Variants in CDH18 observed in about 807,000 individuals in gnomAD.
CDH18 encodes the protein cadherin 18, also known as cadherin-18.
A neutral mutation model predicts 67.9 loss-of-function variants in CDH18; 31 were observed. That is an observed-to-expected ratio of 0.46 (90% CI 0.34 to 0.62). The LOEUF (loss-of-function observed/expected upper bound fraction) is 0.62, where lower values mean the gene tolerates loss of function less well. Among genes scored for constraint, CDH18 ranks in the 20% least tolerant of loss-of-function variants. The pLI is 0.01. For missense variants in CDH18, 890 were observed against 975.5 expected (o/e 0.91, Z 1.17); for synonymous variants, 362 against 347.2 (o/e 1.04, Z -0.48).
At chr5:20,535,475 C>A (rs964084181) in intron 1 of CDH18, among the ~76,000 whole-genome samples, 1 of 152,104 alleles carries the variant, frequency 6.6e-6, no homozygotes, top group Non-Finnish European at 1.5e-5. Context: ...AATCTTCCAG[C>A]TTTAACATCC....
At chr5:20,406,156 G>C (rs1232955206) in intron 1 of CDH18, among the ~76,000 whole-genome samples, 2 of 152,008 alleles carry the variant, frequency 1.3e-5, no homozygotes, top group Admixed American at 6.6e-5. Flanking sequence ...CAGCACTATT[G>C]ACAATAGCAA....
intron 2 of CDH18, among the ~76,000 whole-genome samples, chr5:19,932,454 C>T (rs1267391532): frequency 1.3e-5 from 2 of 151,528 alleles, no homozygotes; most frequent in East Asian, 3.9e-4. Context: ...TCTTTACTTC[C>T]TCTTCATCAA....
At chr5:19,929,461 C>T (rs759335343) in intron 2 of CDH18, among the ~76,000 whole-genome samples, 2 of 152,018 alleles carry the variant, frequency 1.3e-5, no homozygotes, top group African/African-American at 2.4e-5. Context: ...GGAGGAAATA[C>T]GAAATGTTGA....
At chr5:19,735,331 C>A (rs549476802) in intron 4 of CDH18, among the ~76,000 whole-genome samples, 2 of 151,200 alleles carry the variant, frequency 1.3e-5, no homozygotes. Context: ...TATCTCTTTG[C>A]TGAAAAGACA....
chr5:19,894,935 C>T (rs1407478425), intron 2 of CDH18, among the ~76,000 whole-genome samples: 2 of 152,136 alleles, frequency 1.3e-5, no homozygotes, highest in Non-Finnish European at 2.9e-5. Flanking sequence ...CTGATGTACA[C>T]AGATAATTCT....
chr5:20,517,185 T>C (rs1755430508), intron 1 of CDH18, among the ~76,000 whole-genome samples: 1 of 151,834 alleles, frequency 6.6e-6, no homozygotes, highest in South Asian at 2.1e-4. Flanking sequence ...TGTATATATT[T>C]TATTTACTAA....
chr5:20,163,492 T>G (rs1736053070), intron 2 of CDH18, among the ~76,000 whole-genome samples: 1 of 152,240 alleles, frequency 6.6e-6, no homozygotes, highest in African/African-American at 2.4e-5. Context: ...AAATCTAATA[T>G]TTTTGTCAAT....
intron 2 of CDH18, among the ~76,000 whole-genome samples, chr5:20,171,158 G>A (rs192229934): frequency 6.1e-4 from 93 of 152,006 alleles, no homozygotes; most frequent in Non-Finnish European, 1.1e-3. Flanking sequence ...TTGCTATTGT[G>A]AATAGTGCTG....
intron 1 of CDH18, among the ~76,000 whole-genome samples, chr5:20,558,687 T>A (rs1303589974): frequency 6.6e-6 from 1 of 152,040 alleles, no homozygotes; most frequent in Non-Finnish European, 1.5e-5. Context: ...CAGATGAGAA[T>A]GCTAGCACAT....
intron 1 of CDH18, among the ~76,000 whole-genome samples, chr5:20,407,035 A>G (rs1746330914): frequency 6.6e-6 from 1 of 152,172 alleles, no homozygotes; most frequent in African/African-American, 2.4e-5. Flanking sequence ...GGGGCTATTC[A>G]AGGAATTTGC....
At chr5:19,839,884 C>A (rs921958863) in intron 2 of CDH18, among the ~76,000 whole-genome samples, 9 of 151,716 alleles carry the variant, frequency 5.9e-5, no homozygotes. Flanking sequence ...ATAATTCTAG[C>A]AATTATCTAA....
intron 2 of CDH18, among the ~76,000 whole-genome samples, chr5:20,118,211 T>A (rs1433076072): frequency 2.0e-5 from 3 of 152,154 alleles, no homozygotes; most frequent in Non-Finnish European, 2.9e-5. Flanking sequence ...TAACTTTTTT[T>A]AAAGAAAAAA....
chr5:20,352,624 C>CAAA lies in CDH18; in HGVS notation c.-579-97122_-579-97120dup, dbSNP rs35947411. Among the ~76,000 whole-genome samples, 195 of 89,106 alleles carry CAAA rather than the reference C, an allele frequency of 2.2e-3. 1 individual carries two copies. Among genetic ancestry groups the CAAA allele is most frequent in the South Asian group, 4.4e-3 (10 of 2,280 alleles). The allele number at this position is 89,106 out of a possible 152,430, so 58.5% of individuals were successfully genotyped here. ...TGAAACCCCGTCTCTACTAAAAATA[C>CAAA]AAAAAAAAAAAAAAAAAAAAATTAG... On this transcript the variant is annotated intron_variant, in intron 1 of 14. Transcript: ENST00000507958.
chr5:20,240,351 A>G (rs987878763), intron 2 of CDH18, among the ~76,000 whole-genome samples: 1 of 152,162 alleles, frequency 6.6e-6, no homozygotes, highest in East Asian at 1.9e-4. Context: ...GTAAGTATCA[A>G]TTGAGACAAA....
intron 2 of CDH18, among the ~76,000 whole-genome samples, chr5:19,866,127 G>A (rs773689083): frequency 3.3e-5 from 5 of 152,170 alleles, no homozygotes; most frequent in Non-Finnish European, 5.9e-5. Context: ...TATTGCTTCT[G>A]AAAACAGAAA....
At chr5:20,347,751 C>T (rs1740824472) in intron 1 of CDH18, among the ~76,000 whole-genome samples, 1 of 152,246 alleles carries the variant, frequency 6.6e-6, no homozygotes, top group Non-Finnish European at 1.5e-5. Context: ...TGGGTAATAA[C>T]CAAGAGGGAG....
rs527693757 is a variant in CDH18, at chr5:19,529,739, G to A, written c.1391-8961C>T. ...CATGAATAAACATGAAAACAAATAC[G>A]TGAAATGTTTGTATGCTGAATTCTA... On this transcript the variant is annotated intron_variant, in intron 9 of 12. Transcript: ENST00000382275. Among the ~76,000 whole-genome samples, 9 of 152,094 alleles carry A rather than the reference G, an allele frequency of 5.9e-5. No homozygotes were observed. The South Asian group carries it at 6.2e-4, about 11-fold the overall frequency.
chr5:19,815,777 T>C (rs1335749530), intron 3 of CDH18, among the ~76,000 whole-genome samples: 1 of 151,996 alleles, frequency 6.6e-6, no homozygotes, highest in East Asian at 1.9e-4. Flanking sequence ...TTCTATCACT[T>C]GAGGAATTCA....
intron 3 of CDH18, among the ~76,000 whole-genome samples, chr5:19,747,651 GA>G (rs952435662): frequency 1.3e-5 from 2 of 150,254 alleles, no homozygotes; most frequent in African/African-American, 4.9e-5. Flanking sequence ...TTTATGACTA[GA>G]AAAAAAATAT....
Sources: gnomAD v4.1 joint callset for allele counts (sites outside exome capture counted in the v4.1 genomes callset) on GRCh38, gnomAD v4.1.1 for gene constraint, MANE v1.5 for transcripts, NCBI Gene and HGNC (gene_info 2026-07-23, HGNC 2026-07-21) for gene names.